Variants in MMP28 observed in about 807,000 individuals in gnomAD.
MMP28 encodes matrix metalloproteinase-28.
Under a neutral mutation model 60.5 loss-of-function variants are expected in MMP28, and 55 were observed. The ratio of observed to expected loss-of-function variants is 0.91; its 90% CI spans 0.73 to 1.14. The LOEUF (loss-of-function observed/expected upper bound fraction) is 1.14, where lower values mean the gene tolerates loss of function less well. MMP28 is among the 50% of genes most tolerant of loss of function. The probability of loss-of-function intolerance (pLI) is 0.00; values close to 1 mark genes in which losing one functional copy is unlikely to be tolerated. For missense variants in MMP28, 686 were observed against 738.3 expected (o/e 0.93, Z 0.82); for synonymous variants, 318 against 312.5 (o/e 1.02, Z -0.18).
downstream of MMP28, chr17:35,764,671 C>G: frequency 1.0e-5 from 15 of 1,502,298 alleles, no homozygotes; most frequent in Admixed American, 2.6e-5. Flanking sequence ...CCCCAGACCC[C>G]CTACCGACCT....
intron 1 of MMP28, among the ~76,000 whole-genome samples, chr17:35,792,198 A>G (rs1238768225): frequency 1.3e-5 from 2 of 152,096 alleles, no homozygotes; most frequent in African/African-American, 4.8e-5. Context: ...CGTGGGGTCT[A>G]TGTTCCCTCC....
At chr17:35,778,230 T>C (rs2086390143) in intron 3 of MMP28, among the ~76,000 whole-genome samples, 1 of 152,008 alleles carries the variant, frequency 6.6e-6, no homozygotes, top group Non-Finnish European at 1.5e-5. Context: ...AACTGTGCTA[T>C]GATGAAATGT....
intron 1 of MMP28, among the ~76,000 whole-genome samples, chr17:35,786,774 T>C (rs2086664192): frequency 6.6e-6 from 1 of 151,252 alleles, no homozygotes; most frequent in Non-Finnish European, 1.5e-5. Context: ...TATTTTCTGG[T>C]AGTCAGGAGC....
chr17:35,785,917 T>C (rs2086634352), intron 1 of MMP28, among the ~76,000 whole-genome samples: 1 of 152,208 alleles, frequency 6.6e-6, no homozygotes, highest in Non-Finnish European at 1.5e-5. Flanking sequence ...CGCAGGAGCA[T>C]CATCAACATC....
intron 2 of MMP28, among the ~76,000 whole-genome samples, chr17:35,758,990 T>TCTTAGTGAGACA (rs1345153170): frequency 1.3e-5 from 2 of 152,146 alleles, no homozygotes; most frequent in African/African-American, 4.8e-5. Context: ...GGGCATTAAA[T>TCTTAGTGAGACA]CTTAGTGAGT....
chr17:35,789,063 G>A (rs1349055947), intron 1 of MMP28, among the ~76,000 whole-genome samples: 1 of 152,144 alleles, frequency 6.6e-6, no homozygotes, highest in Non-Finnish European at 1.5e-5. Flanking sequence ...AGCTTTGTAA[G>A]CACTTAATCT....
intron 1 of MMP28, among the ~76,000 whole-genome samples, chr17:35,781,847 TTTC>T (rs2086511874): frequency 6.6e-6 from 1 of 152,054 alleles, no homozygotes; most frequent in Admixed American, 6.6e-5. Flanking sequence ...TCTTTTTTCT[TTTC>T]TTTTCCTTTT....
intron 4 of MMP28, 105 bp from the exon 5 acceptor site, chr17:35,770,417 GTA>G: frequency 7.3e-7 from 1 of 1,364,966 alleles, no homozygotes; most frequent in Non-Finnish European, 9.6e-7. Context: ...GTTCTCTGCT[GTA>G]TAGTTTCCCT....
At chr17:35,764,600 G>T (rs781842033), downstream of MMP28, 3 of 1,586,660 alleles carry the variant, frequency 1.9e-6, no homozygotes, top group African/African-American at 4.2e-5. Flanking sequence ...GTAAGGCGGG[G>T]GCCGCTGGGA....
chr17:35,783,704 G>A (rs898300663), intron 1 of MMP28, among the ~76,000 whole-genome samples: 1 of 152,048 alleles, frequency 6.6e-6, no homozygotes, highest in Non-Finnish European at 1.5e-5. Flanking sequence ...AAATTAACTG[G>A]CAGCGTCTCT....
chr17:35,764,412 G>T, downstream of MMP28: 1 of 1,520,364 alleles, frequency 6.6e-7, no homozygotes, highest in South Asian at 1.2e-5. Context: ...TGAGCGCCTG[G>T]TCCCCGCCGG....
Position 35,766,695 on chromosome 17 carries a change from C to T in MMP28, c.1368G>A (p.Leu456=). 2 of 1,607,106 alleles carry T rather than the reference C, an allele frequency of 1.2e-6. No homozygotes were observed. The highest frequency in any genetic ancestry group is 1.7e-6 in the Non-Finnish European group (2 of 1,177,014). Residue 456 remains leucine (L), a synonymous_variant, in exon 8 of 8, where the codon CTG becomes CTA. Coordinates refer to ENST00000605424, the MANE Select transcript of MMP28 (RefSeq NM_024302.5). This position sits in a 1 kb window ranked among gnomAD's most constrained non-coding sequence, Gnocchi z 4.3. ...CCTCAGGGATGCCTCCCCAGTCCTGCAGACTTCGGGGGTAGTAGGGCTCCA... is the reference window on the plus strand; with the variant it reads ...CCTCAGGGATGCCTCCCCAGTCCTGTAGACTTCGGGGGTAGTAGGGCTCCA... ...LQVEPYYPRS[L]QDWGGIPEEV...
At position 35,795,372 on chromosome 17, in the gene MMP28, G is replaced by A. The variant is rs1030209740; in HGVS notation, c.6C>T (p.Val2=). The A allele has an allele frequency of 3.5e-6, 5 of 1,439,494 alleles. No homozygotes were observed. In the Admixed American group the frequency reaches 7.9e-5, roughly 23 times the overall value. 89.2% of individuals were successfully genotyped at this position (1,439,494 alleles called of 1,614,324 possible). Residue 2 remains valine, a synonymous_variant, in exon 1 of 8, where the codon GTC becomes GTT. Coordinates refer to ENST00000605424, the MANE Select transcript of MMP28 (RefSeq NM_024302.5). M[V]ARVGLLLRAL... The stretch of plus-strand genomic sequence containing the variant: ...CGCGCAGCAGGAGGCCGACGCGCGC[G>A]ACCATCTCGCCGCCTCCGGTGCAGC...
At chr17:35,757,226 A>G (rs989914160) in intron 2 of MMP28, 2 of 152,176 alleles carry the variant, frequency 1.3e-5, no homozygotes, top group Non-Finnish European at 2.9e-5. Flanking sequence ...TTGTTTTATA[A>G]CTATACTCCA....
downstream of MMP28, chr17:35,764,218 G>C (rs1489436865): frequency 2.7e-5 from 42 of 1,547,124 alleles, no homozygotes; most frequent in Admixed American, 3.9e-5. Context: ...CGCTGCGCCA[G>C]GAGTCCAGCA....
intron 1 of MMP28, among the ~76,000 whole-genome samples, chr17:35,785,672 C>T (rs1555610298): frequency 6.6e-6 from 1 of 152,170 alleles, no homozygotes; most frequent in Non-Finnish European, 1.5e-5. Flanking sequence ...TGGTCTCGAT[C>T]TCTTGACCTC....
In MMP28 at chr17:35,795,413, A is replaced by T. The variant is rs914957992; in HGVS notation, c.-36T>A. 2.2e-6 allele frequency: 3 copies of T among 1,364,842 alleles called. No individual in the cohort carries two copies. The highest frequency in any genetic ancestry group is 6.9e-5 in the Admixed American group (2 of 28,790). 84.5% of individuals were successfully genotyped at this position (1,364,842 alleles called of 1,614,324 possible). On this transcript the variant is annotated 5_prime_UTR_variant, in exon 1 of 8. Transcript: ENST00000605424. ...CCGGTGCAGCCCGGCTCGGGGAGCT[A>T]CTGCGCGCAGGGAACCAGCCGGCAG...
At chr17:35,775,029 C>T (rs1360510384) in intron 3 of MMP28, among the ~76,000 whole-genome samples, 1 of 152,134 alleles carries the variant, frequency 6.6e-6, no homozygotes, top group East Asian at 1.9e-4. Context: ...CTAGTGGGGT[C>T]CCTCACTTCA....
At chr17:35,767,949 T>A (rs750205595) in intron 6 of MMP28, 30 bp from the exon 7 acceptor site, 1 of 1,536,230 alleles carries the variant, frequency 6.5e-7, no homozygotes, top group Non-Finnish European at 8.7e-7. Flanking sequence ...AGTTGAGGAG[T>A]GACCATCAGC....
Sources: allele counts gnomAD v4.1 joint callset (sites outside exome capture counted in the v4.1 genomes callset), GRCh38; gene constraint gnomAD v4.1.1; non-coding constraint Gnocchi (gnomAD v3.1); transcripts MANE v1.5; gene names NCBI Gene and HGNC (gene_info 2026-07-23, HGNC 2026-07-21).